The following RAB3C variants were observed in gnomAD, a reference collection of about 807,000 sequenced individuals.
RAB3C encodes RAB3C, member RAS oncogene family.
A neutral mutation model predicts 26.4 loss-of-function variants in RAB3C; 17 were observed. The observed-to-expected ratio is 0.64, with a 90% CI of 0.44 to 0.97. The LOEUF is 0.97. Among genes scored for constraint, RAB3C ranks in the 50% least tolerant of loss-of-function variants. RAB3C has a pLI of 0.00. For synonymous variants in RAB3C, 91 were observed against 95.9 expected, an observed-to-expected ratio of 0.95 and a Z score of 0.30; for missense variants, 242 against 281.9, an observed-to-expected ratio of 0.86 and a Z score of 1.01.
intron 3 of RAB3C, among the ~76,000 whole-genome samples, chr5:58,727,122 TC>T (rs201293458): frequency 1.8e-5 from 2 of 109,570 alleles, no homozygotes; most frequent in Non-Finnish European, 4.6e-5. Flanking sequence ...CAGACAGCAT[TC>T]TTTTTTTGTT....
rs1296692482 is a variant in RAB3C, at chr5:58,742,926, G to A, written c.371+16806G>A. On this transcript the variant is annotated intron_variant, in intron 3 of 4. Transcript: ENST00000282878. ...CTCAATTTAAAGCCAACAAAGATAG[G>A]GATACGGGAGGGAATGAAAAAGGCA... 5.3e-5 allele frequency among the ~76,000 whole-genome samples: 8 copies of A among 151,964 alleles called. No individual in the cohort carries two copies. The South Asian group carries it at 1.0e-3, about 20-fold the overall frequency.
intron 2 of RAB3C, among the ~76,000 whole-genome samples, chr5:58,692,814 A>G (rs1748598128): frequency 6.6e-6 from 1 of 152,108 alleles, no homozygotes. Flanking sequence ...GAGATTCAAA[A>G]TATAATTTCT....
At chr5:58,654,556 A>G (rs1460557357) in intron 2 of RAB3C, among the ~76,000 whole-genome samples, 3 of 152,208 alleles carry the variant, frequency 2.0e-5, no homozygotes, top group African/African-American at 7.2e-5. Flanking sequence ...TCCCATTTTT[A>G]AATGAAATCT....
intron 3 of RAB3C, among the ~76,000 whole-genome samples, chr5:58,797,932 A>G (rs754614711): frequency 3.3e-5 from 5 of 152,242 alleles, no homozygotes; most frequent in Admixed American, 6.5e-5. Flanking sequence ...TATAAATAAT[A>G]GAGAGCACTT....
At chr5:58,792,242 A>G (rs1264032247) in intron 3 of RAB3C, among the ~76,000 whole-genome samples, 1 of 152,248 alleles carries the variant, frequency 6.6e-6, no homozygotes. Context: ...CTTTGGAAAT[A>G]TATAAACCTG....
chr5:58,602,951 C>T (rs1171785397), intron 1 of RAB3C, among the ~76,000 whole-genome samples: 1 of 152,086 alleles, frequency 6.6e-6, no homozygotes, highest in African/African-American at 2.4e-5. Flanking sequence ...TGATGTGTTT[C>T]CAGGATTTGT....
chr5:58,613,827 A>T (rs1746767580), intron 1 of RAB3C, among the ~76,000 whole-genome samples: 1 of 152,050 alleles, frequency 6.6e-6, no homozygotes, highest in African/African-American at 2.4e-5. Flanking sequence ...AATTTTTCAG[A>T]CACGTCCTAT....
chr5:58,748,185 A>AGG (rs11362791), intron 3 of RAB3C, among the ~76,000 whole-genome samples: 35 of 151,728 alleles, frequency 2.3e-4, no homozygotes, highest in Middle Eastern at 3.4e-3. Flanking sequence ...AAGAATTTCA[A>AGG]GGGGGGGGAA....
intron 3 of RAB3C, among the ~76,000 whole-genome samples, chr5:58,780,225 A>G (rs1742240554): frequency 6.6e-6 from 1 of 152,132 alleles, no homozygotes; most frequent in African/African-American, 2.4e-5. Flanking sequence ...CAAAAAGATG[A>G]GACTGCAGAA....
intron 2 of RAB3C, among the ~76,000 whole-genome samples, chr5:58,696,445 G>A (rs1006223365): frequency 1.3e-5 from 2 of 152,204 alleles, no homozygotes. Context: ...CATAAAATGA[G>A]TTAGGGAGGA....
At chr5:58,766,959 G>A (rs1741921878) in intron 3 of RAB3C, among the ~76,000 whole-genome samples, 1 of 152,180 alleles carries the variant, frequency 6.6e-6, no homozygotes, top group Non-Finnish European at 1.5e-5. Flanking sequence ...TCAAGAGACT[G>A]AGAACAGCAT....
chr5:58,693,353 T>TATATATATATATATATATATATATACAC (rs911414778), intron 2 of RAB3C, among the ~76,000 whole-genome samples: 13 of 142,266 alleles, frequency 9.1e-5, no homozygotes, highest in African/African-American at 2.7e-4. Flanking sequence ...TATATATATA[T>TATATATATATATATATATATATATACAC]ATATATATAA....
intron 3 of RAB3C, among the ~76,000 whole-genome samples, chr5:58,775,132 C>T (rs750978329): frequency 1.3e-5 from 2 of 152,244 alleles, no homozygotes; most frequent in Middle Eastern, 3.4e-3. Context: ...GTGCTGTGCA[C>T]GATTGCATCC....
chr5:58,694,155 A>G (rs555930207), intron 2 of RAB3C, among the ~76,000 whole-genome samples: 4 of 152,166 alleles, frequency 2.6e-5, no homozygotes, highest in South Asian at 2.1e-4. Context: ...TCATTGTTCA[A>G]TTCCCACCTA....
intron 2 of RAB3C, among the ~76,000 whole-genome samples, chr5:58,673,745 T>C (rs1186600330): frequency 1.3e-5 from 2 of 152,206 alleles, no homozygotes; most frequent in Non-Finnish European, 2.9e-5. Flanking sequence ...TCAAATAGTT[T>C]AGTTATGTTG....
intron 2 of RAB3C, among the ~76,000 whole-genome samples, chr5:58,637,414 C>T (rs1747312633): frequency 6.6e-6 from 1 of 152,052 alleles, no homozygotes; most frequent in Non-Finnish European, 1.5e-5. Flanking sequence ...TATTCTGTTG[C>T]TGGAACAGTA....
intron 2 of RAB3C, among the ~76,000 whole-genome samples, chr5:58,725,193 T>C (rs1158321015): frequency 6.6e-6 from 1 of 151,902 alleles, no homozygotes; most frequent in African/African-American, 2.4e-5. Flanking sequence ...AGGATATTTT[T>C]GCTGGCTACA....
At chr5:58,828,292 A>G (rs998434699) in intron 4 of RAB3C, among the ~76,000 whole-genome samples, 1 of 152,166 alleles carries the variant, frequency 6.6e-6, no homozygotes, top group African/African-American at 2.4e-5. Context: ...TCCCTTTCTC[A>G]GCCATTTTGT....
At chr5:58,817,012 A>G (rs1743232762) in intron 3 of RAB3C, 1 of 152,254 alleles carries the variant, frequency 6.6e-6, no homozygotes, top group African/African-American at 2.4e-5. Context: ...AAGATGAAGA[A>G]TAAGAACCCA....
Sources: gnomAD v4.1 joint callset for allele counts (sites outside exome capture counted in the v4.1 genomes callset) on GRCh38, gnomAD v4.1.1 for gene constraint, MANE v1.5 for transcripts, NCBI Gene and HGNC (gene_info 2026-07-23, HGNC 2026-07-21) for gene names.